PTPN4: variants seen among roughly 807,000 people sequenced by gnomAD.
The protein encoded by PTPN4 is tyrosine-protein phosphatase non-receptor type 4.
Under a neutral mutation model 135.5 loss-of-function variants are expected in PTPN4, and 49 were observed. The observed-to-expected ratio is 0.36, with a 90% CI of 0.29 to 0.46. The LOEUF (loss-of-function observed/expected upper bound fraction) is 0.46, where lower values mean the gene tolerates loss of function less well. PTPN4 is among the 20% of genes least tolerant of loss of function. The pLI is 1.00. For missense variants in PTPN4, 860 were observed against 1,101.0 expected, an observed-to-expected ratio of 0.78 and a Z score of 3.10; for synonymous variants, 333 against 369.9, an observed-to-expected ratio of 0.90 and a Z score of 1.14.
intron 3 of PTPN4, among the ~76,000 whole-genome samples, chr2:119,875,762 T>C (rs975467929): frequency 6.6e-6 from 1 of 152,188 alleles, no homozygotes; most frequent in African/African-American, 2.4e-5. Flanking sequence ...ACTCATATTA[T>C]GTCAAGCCCT....
chr2:119,816,689 C>A (rs969700887), intron 2 of PTPN4, among the ~76,000 whole-genome samples: 1 of 152,132 alleles, frequency 6.6e-6, no homozygotes, highest in African/African-American at 2.4e-5. Flanking sequence ...GACAGTGACA[C>A]CCAAAGTGTG....
chr2:119,759,934 C>T lies in PTPN4; in HGVS notation c.-468C>T. ...ACAAACGCTGCCCAGGATTACCCGC[C>T]AGCTCACGCCGCGCAGTGCGCTTTT... On this transcript the variant is annotated 5_prime_UTR_variant, in exon 1 of 27. Coordinates refer to ENST00000263708, the MANE Select transcript of PTPN4 (RefSeq NM_002830.4). 1 of 359,182 alleles carries T rather than the reference C, an allele frequency of 2.8e-6. No individual in the cohort carries two copies. The allele number at this position is 359,182 out of a possible 1,614,324, so 22.2% of individuals were successfully genotyped here.
At chr2:119,770,327 C>G (rs1478442867) in intron 1 of PTPN4, among the ~76,000 whole-genome samples, 1 of 152,052 alleles carries the variant, frequency 6.6e-6, no homozygotes, top group Admixed American at 6.5e-5. Flanking sequence ...TGTATATTAC[C>G]ATAATTCTCA....
chr2:119,808,985 T>C (rs1405502543), intron 1 of PTPN4, among the ~76,000 whole-genome samples: 1 of 152,088 alleles, frequency 6.6e-6, no homozygotes, highest in Non-Finnish European at 1.5e-5. Flanking sequence ...AATACTAGTC[T>C]TTCTTCTAGT....
chr2:119,941,763 TCAG>T (rs1191257131), intron 15 of PTPN4, among the ~76,000 whole-genome samples: 4 of 152,204 alleles, frequency 2.6e-5, no homozygotes, highest in Non-Finnish European at 4.4e-5. Context: ...AATCCCAACC[TCAG>T]CATTTATACT....
rs760890553 is a variant in PTPN4, at chr2:119,934,832, G to A, written c.1229G>A (p.Arg410Gln). 1.2e-5 allele frequency: 19 copies of A among 1,613,788 alleles called. No individual in the cohort carries two copies. The highest frequency in any genetic ancestry group is 1.4e-5 in the Non-Finnish European group (16 of 1,179,874). Residue 410 changes from arginine to glutamine, a missense_variant, in exon 15 of 27, where the codon CGG becomes CAG. Arg to Gln is a conservative substitution (Grantham distance 43). This residue lies in a region of PTPN4 where 684 missense variants were observed against 807.0 expected (regional missense o/e 0.85). Transcript: ENST00000263708. ...TCTACATTCACGCAGGAAGGAACCC[G>A]GTTACGACCATCTTCAGTTGGTCAT... Reference protein sequence around the residue: ...RNSTFTQEGTRLRPSSVGHLV... With the variant: ...RNSTFTQEGTQLRPSSVGHLV...
At chr2:119,870,875 C>T (rs1677900108) in intron 3 of PTPN4, among the ~76,000 whole-genome samples, 1 of 151,838 alleles carries the variant, frequency 6.6e-6, no homozygotes, top group Non-Finnish European at 1.5e-5. Flanking sequence ...TCATCCTAGG[C>T]AACAATAGTT....
intron 9 of PTPN4, among the ~76,000 whole-genome samples, chr2:119,900,280 T>C (rs191997042): frequency 7.8e-4 from 119 of 152,268 alleles, no homozygotes; most frequent in Non-Finnish European, 1.5e-3. Context: ...AATATTGCTT[T>C]ATTGGGTTCC....
At chr2:119,915,746 C>G (rs1052269526) in intron 11 of PTPN4, 8 of 152,092 alleles carry the variant, frequency 5.3e-5, no homozygotes, top group Non-Finnish European at 7.4e-5. Flanking sequence ...ATAATTTCAT[C>G]TTGTTAATGA....
At chr2:119,915,063 TATATATG>T in intron 10 of PTPN4, 109 bp from the exon 11 acceptor site, 1 of 832,260 alleles carries the variant, frequency 1.2e-6, no homozygotes, top group Non-Finnish European at 1.7e-6. Context: ...TATGTGTATG[TATATATG>T]ATAAAATGTT....
chr2:119,774,892 G>T (rs1265795351), intron 1 of PTPN4, among the ~76,000 whole-genome samples: 1 of 151,906 alleles, frequency 6.6e-6, no homozygotes, highest in Non-Finnish European at 1.5e-5. Flanking sequence ...GGTGGCATGT[G>T]CCTTTAATCC....
At chr2:119,855,002 T>A (rs749288067) in intron 2 of PTPN4, among the ~76,000 whole-genome samples, 9 of 152,200 alleles carry the variant, frequency 5.9e-5, no homozygotes, top group Non-Finnish European at 4.4e-5. Flanking sequence ...AGTCTGTAGA[T>A]TGCTGTTGTG....
At chr2:119,901,064 T>C (rs1044239833) in intron 10 of PTPN4, among the ~76,000 whole-genome samples, 3 of 152,248 alleles carry the variant, frequency 2.0e-5, no homozygotes, top group African/African-American at 7.2e-5. Flanking sequence ...TCCAGTCTTT[T>C]TAGCAGAGAT....
intron 2 of PTPN4, among the ~76,000 whole-genome samples, chr2:119,855,507 T>A (rs1256819301): frequency 6.6e-6 from 1 of 152,190 alleles, no homozygotes; most frequent in Admixed American, 6.5e-5. Context: ...TTTCCCTTCT[T>A]TACATATAAT....
At chr2:119,955,754 G>A (rs1425376905) in intron 20 of PTPN4, among the ~76,000 whole-genome samples, 10 of 151,974 alleles carry the variant, frequency 6.6e-5, no homozygotes, top group Non-Finnish European at 1.2e-4. Flanking sequence ...TGGCCAACAC[G>A]GTGAAACCCC....
At chr2:119,779,432 A>G (rs975007428) in intron 1 of PTPN4, among the ~76,000 whole-genome samples, 1 of 152,272 alleles carries the variant, frequency 6.6e-6, no homozygotes, top group South Asian at 2.1e-4. Context: ...CCTGGCTAAC[A>G]CGGTGAAACC....
Position 119,760,559 on chromosome 2 carries a change from GCTTT to G in PTPN4, c.-18+181_-18+184del, listed in dbSNP as rs150722731. 6.7e-3 allele frequency among the ~76,000 whole-genome samples: 1,012 copies of G among 152,148 alleles called. 7 individuals are homozygous for G. The highest frequency in any genetic ancestry group is 0.022 in the African/African-American group (910 of 41,488). ...CAAACAAACAAACAAACAAAAAAAC[GCTTT>G]CTTTCCTTTCTTCCTGGGACCTCTG... On this transcript the variant is annotated intron_variant, in intron 1 of 26. Transcript: ENST00000263708.
chr2:119,952,719 A>G (rs572630584), intron 19 of PTPN4, among the ~76,000 whole-genome samples: 1 of 152,310 alleles, frequency 6.6e-6, no homozygotes, highest in South Asian at 2.1e-4. Context: ...TCATCTCCCA[A>G]TCTGGACAGC....
At chr2:119,780,258 C>T (rs954303244) in intron 1 of PTPN4, among the ~76,000 whole-genome samples, 1 of 152,122 alleles carries the variant, frequency 6.6e-6, no homozygotes, top group African/African-American at 2.4e-5. Context: ...TAACACTTAA[C>T]CTAAATGTTT....
Sources: gnomAD v4.1 joint callset for allele counts (sites outside exome capture counted in the v4.1 genomes callset) on GRCh38, gnomAD v4.1.1 for gene constraint, gnomAD v4.1.1 regional missense constraint, MANE v1.5 for transcripts, NCBI Gene and HGNC (gene_info 2026-07-23, HGNC 2026-07-21) for gene names.